Variants in BCLAF3 observed in about 807,000 individuals in gnomAD.
BCLAF3 encodes BCLAF1 and THRAP3 family member 3.
BCLAF3 carries 24 observed loss-of-function variants against 51.2 expected under a neutral mutation model. That is an observed-to-expected ratio of 0.47 (90% CI 0.34 to 0.66). BCLAF3 has a LOEUF of 0.66. BCLAF3 is among the 30% of genes least tolerant of loss of function. The pLI is 0.01. For missense variants in BCLAF3, 465 were observed against 525.1 expected (o/e 0.89, Z 1.12); for synonymous variants, 152 against 176.6 (o/e 0.86, Z 1.10).
At chrX:19,946,045 G>A (rs373025325) in intron 8 of BCLAF3, among the ~76,000 whole-genome samples, 2 of 109,195 alleles carry the variant, frequency 1.8e-5, no homozygotes, top group East Asian at 2.9e-4. Context: ...TTCCAGGTGC[G>A]TCCGTCACCC....
Position 19,918,534 on chromosome X carries a change from C to CT in BCLAF3, c.2107-1201dup, listed in dbSNP as rs749600263. ...GATTTAAAAGCCCCCCCAACCCGGC[C>CT]TTTTTTTTTTTTTTTTTTTTTTTTT... On this transcript the variant is annotated intron_variant, in intron 11 of 11. Coordinates refer to ENST00000379682, the MANE Select transcript of BCLAF3 (RefSeq NM_001367774.2). 6.4e-3 allele frequency among the ~76,000 whole-genome samples: 354 copies of CT among 55,179 alleles called. 10 individuals carry two copies. The highest frequency in any genetic ancestry group is 8.0e-3 in the Non-Finnish European group (261 of 32,777). The allele number at this position is 55,179 out of a possible 115,157, so 47.9% of individuals were successfully genotyped here. A position where few individuals can be genotyped will look rare whatever the true frequency, so the allele number is the denominator to read the frequency against.
At chrX:19,978,575 A>C (rs2072506909) in intron 1 of BCLAF3, among the ~76,000 whole-genome samples, 1 of 112,266 alleles carries the variant, frequency 8.9e-6, no homozygotes, top group Non-Finnish European at 1.9e-5. Context: ...CTTGATTGGA[A>C]TCTCCTCCTG....
At position 19,955,529 on chromosome X, in the gene BCLAF3, G is replaced by A. The variant is rs2071631202; in HGVS notation, c.1312C>T (p.His438Tyr). 1 of 1,201,626 alleles carries A rather than the reference G, an allele frequency of 8.3e-7. No homozygotes were observed. Among genetic ancestry groups the A allele is most frequent in the Non-Finnish European group, 1.1e-6 (1 of 891,681 alleles). ...TTCCTGCCAACAGCAACCAAATCAT[G>A]TGACATCTGTCTCTCTGTGGAATAG... is the stretch of plus-strand genomic sequence containing the variant. ...SSYSTERQMS[H>Y]DLVAVGRKSE... The change falls in exon 5 of 12, where the codon CAT becomes TAT. Residue 438 changes from histidine (H) to tyrosine (Y), a missense_variant. Physicochemically the swap from His to Tyr is moderately conservative, Grantham distance 83 (BLOSUM62 2). Transcript: ENST00000379682.
intron 1 of BCLAF3, among the ~76,000 whole-genome samples, chrX:19,971,811 C>T (rs1003024114): frequency 1.8e-5 from 2 of 111,991 alleles, no homozygotes; most frequent in Admixed American, 1.9e-4. Context: ...ATATATTATG[C>T]ACCTCGATTT....
In BCLAF3 at chrX:19,935,905, G is replaced by A. The variant is rs753439838; in HGVS notation, c.1861-7C>T. The A allele has an allele frequency of 7.6e-5, 89 of 1,174,065 alleles. No individual in the cohort carries two copies. Among genetic ancestry groups the A allele is most frequent in the Non-Finnish European group, 9.5e-5 (82 of 867,135 alleles). ...TTCTCTGCGTAGTATAATTCTGCAC[G>A]AAAAAAAGTAGTAGTGTGGGTTAAC... On this transcript the variant is annotated splice_polypyrimidine_tract_variant and splice_region_variant and intron_variant, in intron 9 of 11. Coordinates refer to ENST00000379682, the MANE Select transcript of BCLAF3 (RefSeq NM_001367774.2).
intron 2 of BCLAF3, among the ~76,000 whole-genome samples, chrX:19,968,121 G>A (rs937834474): frequency 4.4e-5 from 5 of 112,510 alleles, no homozygotes; most frequent in African/African-American, 6.5e-5. Flanking sequence ...ATTCAATATC[G>A]GTTTGATATG....
chrX:19,964,891 C>G (rs763355234), intron 4 of BCLAF3, among the ~76,000 whole-genome samples, 153 bp downstream of exon 4: 1 of 111,336 alleles, frequency 9.0e-6, no homozygotes, highest in Admixed American at 9.6e-5. Flanking sequence ...AGGAAACAGC[C>G]TCACTACAGG....
chrX:19,937,575 CCTTT>C, intron 8 of BCLAF3, 43 bp from the exon 9 acceptor site: 3 of 684,466 alleles, frequency 4.4e-6, no homozygotes, highest in Non-Finnish European at 6.6e-6. Flanking sequence ...TATTAGTATA[CCTTT>C]TTTTCCAAGA....
intron 11 of BCLAF3, among the ~76,000 whole-genome samples, chrX:19,918,403 T>A (rs1315878935): frequency 9.0e-6 from 1 of 110,652 alleles, no homozygotes; most frequent in African/African-American, 3.3e-5. Context: ...TAAAATAAGA[T>A]TCAGTTGAAG....
intron 1 of BCLAF3, among the ~76,000 whole-genome samples, chrX:19,976,531 C>T (rs1341881371): frequency 9.0e-6 from 1 of 111,342 alleles, no homozygotes; most frequent in Admixed American, 9.5e-5. Flanking sequence ...GCTGGGATTA[C>T]AGGCATGCGC....
rs1330052911 is a variant in BCLAF3, at chrX:19,917,122, CTGT to C, written c.*180_*182del. On this transcript the variant is annotated 3_prime_UTR_variant, in exon 12 of 12. Coordinates refer to ENST00000379682, the MANE Select transcript of BCLAF3 (RefSeq NM_001367774.2). Reference sequence around the variant, plus strand: ...GTTAATACAACTTTTAAATTGAATACTGTAATTTAAAAGCAATTGTTAGGTGTA... The same window carrying C: ...GTTAATACAACTTTTAAATTGAATACAATTTAAAAGCAATTGTTAGGTGTA... 4.2e-6 allele frequency: 2 copies of C among 471,861 alleles called. No individual in the cohort carries two copies. Among genetic ancestry groups the C allele is most frequent in the Admixed American group, 3.7e-5 (1 of 27,079 alleles). The allele number at this position is 471,861 out of a possible 1,213,427, so 38.9% of individuals were successfully genotyped here.
chrX:19,941,753 G>A (rs1174148505), intron 8 of BCLAF3, among the ~76,000 whole-genome samples: 119 of 104,315 alleles, frequency 1.1e-3, no homozygotes, highest in African/African-American at 3.8e-3. Context: ...TTGGCCATGC[G>A]GGCTCTTTTT....
At chrX:19,919,478 C>T (rs1476192569) in intron 11 of BCLAF3, among the ~76,000 whole-genome samples, 2 of 111,028 alleles carry the variant, frequency 1.8e-5, no homozygotes, top group South Asian at 3.8e-4. Flanking sequence ...ACCTGGGAGG[C>T]GGAGGTTGCA....
rs759412816 is a variant in BCLAF3, at chrX:19,975,501, A to T, written c.-34-5203T>A. ...TGGGACTACAGGTGTGCGCCACCAC[A>T]CCCGACTAATCTTTGTACTTTCAGT... On this transcript the variant is annotated intron_variant, in intron 1 of 11. Transcript: ENST00000379682. 4.6e-5 allele frequency among the ~76,000 whole-genome samples: 5 copies of T among 109,706 alleles called. No homozygotes were observed. In the South Asian group the frequency reaches 1.6e-3, roughly 34 times the overall value.
rs763651202 is a variant in BCLAF3, at chrX:19,950,434, A to G, written c.1745+319T>C. ...AAGGGCAGAATGTATCAGAGTTTCA[A>G]TCAGCTCAAGCTAAATAGTCTGTAA... On this transcript the variant is annotated intron_variant, in intron 8 of 11. Transcript: ENST00000379682. 1.5e-3 allele frequency among the ~76,000 whole-genome samples: 166 copies of G among 112,364 alleles called. 1 individual carries two copies. Among genetic ancestry groups the G allele is most frequent in the Admixed American group, 4.1e-3 (44 of 10,616 alleles).
At chrX:19,934,503 C>T (rs750585244) in intron 10 of BCLAF3, among the ~76,000 whole-genome samples, 4 of 112,360 alleles carry the variant, frequency 3.6e-5, no homozygotes, top group South Asian at 3.6e-4. Flanking sequence ...TCGTGTCACA[C>T]ATGTAATTTT....
intron 11 of BCLAF3, among the ~76,000 whole-genome samples, chrX:19,924,227 T>C (rs2070286029): frequency 9.0e-6 from 1 of 111,406 alleles, no homozygotes; most frequent in Non-Finnish European, 1.9e-5. Context: ...ACAGAGGTGA[T>C]GGCTGAAATC....
Position 19,913,836 on chromosome X carries a change from C to T in BCLAF3, c.*3469G>A, listed in dbSNP as rs952349493. ...TTCTTAAGTCTTTATCCCACTTTAC[C>T]TCCTCCATGTCTGAATTTGTCAATG... is the stretch of plus-strand genomic sequence containing the variant. On this transcript the variant is annotated 3_prime_UTR_variant, in exon 12 of 12. Transcript: ENST00000379682. 1.8e-5 allele frequency: 2 copies of T among 112,103 alleles called. No homozygotes were observed. Among genetic ancestry groups the T allele is most frequent in the Admixed American group, 1.9e-4 (2 of 10,601 alleles). The allele number at this position is 112,103 out of a possible 1,213,427, so 9.2% of individuals were successfully genotyped here.
At chrX:19,944,893 G>A (rs1262625613) in intron 8 of BCLAF3, among the ~76,000 whole-genome samples, 6 of 95,596 alleles carry the variant, frequency 6.3e-5, no homozygotes, top group Admixed American at 4.5e-4. Context: ...TCCATTCTCC[G>A]CATCACTTTC....
Sources: allele counts gnomAD v4.1 joint callset (sites outside exome capture counted in the v4.1 genomes callset), GRCh38; gene constraint gnomAD v4.1.1; transcripts MANE v1.5; gene names NCBI Gene and HGNC (gene_info 2026-07-23, HGNC 2026-07-21).